The following COL4A4 variants were observed in gnomAD, a reference collection of about 807,000 sequenced individuals.
COL4A4 encodes collagen type IV alpha 4 chain, also known as collagen alpha-4(IV) chain.
A neutral mutation model predicts 192.9 loss-of-function variants in COL4A4; 105 were observed. The observed-to-expected ratio is 0.54, with a 90% confidence interval of 0.46 to 0.64. The LOEUF is 0.64. COL4A4 is among the 30% of genes least tolerant of loss of function. The pLI, the probability that COL4A4 is intolerant of heterozygous loss-of-function variation, is 0.00. For missense variants in COL4A4, 1,967 were observed against 2,169.3 expected, an observed-to-expected ratio of 0.91 and a Z score of 1.85; for synonymous variants, 762 against 769.9, an observed-to-expected ratio of 0.99 and a Z score of 0.17.
intron 10 of COL4A4, 142 bp from the exon 11 acceptor site, chr2:227,109,010 G>T: frequency 1.0e-6 from 1 of 961,254 alleles, no homozygotes. Flanking sequence ...TATCATGGAT[G>T]GGCTGTTTTC....
chr2:227,062,591 T>C lies in COL4A4; in HGVS notation c.1995A>G (p.Thr665=), dbSNP rs1251668621. The C allele has an allele frequency of 6.2e-7, 1 of 1,612,226 alleles. No individual in the cohort carries two copies. ...PDGLKGQKGD[T]ISCNVTYPGR... ...CAGGGTAGGTTACGTTGCAAGAAATTGTGTCACCTGCAATGAGAAAAGAAA... is the reference window on the plus strand; with the variant it reads ...CAGGGTAGGTTACGTTGCAAGAAATCGTGTCACCTGCAATGAGAAAAGAAA... The change falls in exon 26 of 48, where the codon ACA becomes ACG. Residue 665 remains threonine, a synonymous_variant. Coordinates refer to ENST00000396625, the MANE Select transcript of COL4A4 (RefSeq NM_000092.5).
At chr2:227,007,629 C>G (rs777548381) in intron 47 of COL4A4, 41 bp from the exon 48 acceptor site, 15 of 1,611,454 alleles carry the variant, frequency 9.3e-6, no homozygotes, top group African/African-American at 1.3e-5. Flanking sequence ...CAGACACACA[C>G]AGACAACCCC....
At chr2:227,067,766 G>A (rs2058439854) in intron 25 of COL4A4, among the ~76,000 whole-genome samples, 1 of 151,940 alleles carries the variant, frequency 6.6e-6, no homozygotes, top group Admixed American at 6.6e-5. Flanking sequence ...GAGAAAGCAG[G>A]AAAGATCTAA....
Position 227,007,216 on chromosome 2 carries a change from A to C in COL4A4, c.*109T>G. 1 of 1,454,074 alleles carries C rather than the reference A, an allele frequency of 6.9e-7. No individual in the cohort carries two copies. The allele number at this position is 1,454,074 out of a possible 1,614,324, so 90.1% of individuals were successfully genotyped here. On this transcript the variant is annotated 3_prime_UTR_variant, in exon 48 of 48. Coordinates refer to ENST00000396625, the MANE Select transcript of COL4A4 (RefSeq NM_000092.5). ...TAACCACGACAAAACAGAAGGAACC[A>C]CTGAAAGGGAGTCCAAAATGAGCAC... is the stretch of plus-strand genomic sequence containing the variant.
At chr2:227,117,660 T>C (rs1220294159) in intron 7 of COL4A4, among the ~76,000 whole-genome samples, 2 of 148,642 alleles carry the variant, frequency 1.3e-5, no homozygotes, top group African/African-American at 5.0e-5. Context: ...AAAAAAAAAA[T>C]CACAGAAAAA....
intron 4 of COL4A4, among the ~76,000 whole-genome samples, chr2:227,130,655 A>ACAGT (rs71299678): frequency 0.35 from 53,509 of 151,734 alleles, 9,872 homozygotes; most frequent in Non-Finnish European, 0.41. Flanking sequence ...AATTTCACCC[A>ACAGT]CAGACAATCC....
intron 4 of COL4A4, among the ~76,000 whole-genome samples, chr2:227,139,915 G>A (rs946954736): frequency 6.6e-6 from 1 of 152,092 alleles, no homozygotes; most frequent in African/African-American, 2.4e-5. Flanking sequence ...TTCCTCCACA[G>A]GACAATTCAC....
In COL4A4 at chr2:227,012,185, T is replaced by C; in HGVS notation, c.4329A>G (p.Gly1443=). The change falls in exon 45 of 48, where the codon GGA becomes GGG. Residue 1443 remains glycine, a synonymous_variant. Transcript: ENST00000396625. ...GAGGAGTGACTGAAACTCTACCTGG[T>C]CCTCCAGGGTAGCCGTCTTCTCCTG... ...GDTGEDGYPG[G]PGPPGPIGDP... The C allele has an allele frequency of 1.9e-6, 3 of 1,611,104 alleles. No individual in the cohort carries two copies. The highest frequency in any genetic ancestry group is 2.5e-6 in the Non-Finnish European group (3 of 1,177,228).
At chr2:227,125,083 G>A (rs1207100405) in intron 4 of COL4A4, among the ~76,000 whole-genome samples, 2 of 152,110 alleles carry the variant, frequency 1.3e-5, no homozygotes, top group African/African-American at 4.8e-5. Flanking sequence ...GTGAGCTAAT[G>A]GGAAGTTTGC....
At chr2:227,047,040 A>C (rs1414536053) in intron 35 of COL4A4, among the ~76,000 whole-genome samples, 2 of 152,116 alleles carry the variant, frequency 1.3e-5, no homozygotes, top group Admixed American at 1.3e-4. Context: ...TTACACTGGC[A>C]TGTGCTTTTC....
chr2:227,005,426 T>TA lies in COL4A4; in HGVS notation c.*1898dup. On this transcript the variant is annotated 3_prime_UTR_variant, in exon 48 of 48. Transcript: ENST00000396625. ...TAAAGCTTTTTGGGAAGGAGAAAGG[T>TA]AATCACAAATAAGATTGAAATTGGC... 1 of 152,262 alleles carries TA rather than the reference T, an allele frequency of 6.6e-6. No homozygotes were observed. The highest frequency in any genetic ancestry group is 1.9e-4 in the East Asian group (1 of 5,180). 9.4% of individuals were successfully genotyped at this position (152,262 alleles called of 1,614,324 possible).
intron 37 of COL4A4, among the ~76,000 whole-genome samples, chr2:227,041,836 G>A (rs1294113295): frequency 8.0e-5 from 4 of 50,162 alleles, no homozygotes; most frequent in Non-Finnish European, 3.6e-5. Flanking sequence ...AAGAAAGAAA[G>A]AAAGAAAGAA....
Position 227,056,515 on chromosome 2 carries a change from G to T in COL4A4, c.2546-400C>A, listed in dbSNP as rs371962311. Among the ~76,000 whole-genome samples, 5 of 152,310 alleles carry T rather than the reference G, an allele frequency of 3.3e-5. No individual in the cohort carries two copies. In the South Asian group the frequency reaches 6.2e-4, roughly 19 times the overall value. ...TAACATTATTGGTGCTAGAAATATG[G>T]CTGTAGCGGAAAGTTTTGCCTCAAT... is the stretch of plus-strand genomic sequence containing the variant. On this transcript the variant is annotated intron_variant, in intron 29 of 47. Transcript: ENST00000396625.
At chr2:227,097,390 C>T (rs534823083) in intron 19 of COL4A4, among the ~76,000 whole-genome samples, 3 of 152,232 alleles carry the variant, frequency 2.0e-5, no homozygotes, top group African/African-American at 7.2e-5. Flanking sequence ...TGGATACATA[C>T]ATGTTTGTGT....
the COL4A4 span, among the ~76,000 whole-genome samples, chr2:226,980,810 A>G: frequency 2.6e-5 from 4 of 152,188 alleles, no homozygotes; most frequent in Non-Finnish European, 5.9e-5. Flanking sequence ...GATGTTTAAA[A>G]AATTTAGTTC....
At chr2:226,975,016 G>A in the COL4A4 span, among the ~76,000 whole-genome samples, 2 of 152,276 alleles carry the variant, frequency 1.3e-5, no homozygotes, top group East Asian at 1.9e-4. Context: ...TCCTTGGTAC[G>A]TGGAGAGAAC....
chr2:227,083,239 T>C (rs2059415911), intron 22 of COL4A4, among the ~76,000 whole-genome samples: 1 of 151,986 alleles, frequency 6.6e-6, no homozygotes, highest in Non-Finnish European at 1.5e-5. Context: ...AAAAAATATA[T>C]ATATATGAAC....
the COL4A4 span, among the ~76,000 whole-genome samples, chr2:226,981,167 T>C: frequency 6.6e-6 from 1 of 151,974 alleles, no homozygotes; most frequent in African/African-American, 2.4e-5. Flanking sequence ...AATTGAACAA[T>C]GAGAACACTT....
intron 44 of COL4A4, among the ~76,000 whole-genome samples, chr2:227,021,213 G>A (rs978634560): frequency 2.6e-5 from 4 of 152,042 alleles, no homozygotes; most frequent in African/African-American, 4.8e-5. Flanking sequence ...GAATGGTTTC[G>A]CTTAAATACT....
Sources: gnomAD v4.1 joint callset for allele counts (sites outside exome capture counted in the v4.1 genomes callset) on GRCh38, gnomAD v4.1.1 for gene constraint, MANE v1.5 for transcripts, NCBI Gene and HGNC (gene_info 2026-07-23, HGNC 2026-07-21) for gene names.